BAIAP2L2: variants seen among roughly 807,000 people sequenced by gnomAD.
The protein encoded by BAIAP2L2 is BAR/IMD domain-containing adapter protein 2-like 2.
BAIAP2L2 carries 65 observed loss-of-function variants against 60.4 expected under a neutral mutation model. That is an observed-to-expected ratio of 1.08 (90% confidence interval 0.88 to 1.32). The LOEUF (loss-of-function observed/expected upper bound fraction) is 1.32. Among genes scored for constraint, BAIAP2L2 ranks in the 40% most tolerant of loss-of-function variants. The pLI is 0.00. For synonymous variants in BAIAP2L2, 344 were observed against 301.7 expected (o/e 1.14, Z -1.45); for missense variants, 836 against 741.2 (o/e 1.13, Z -1.48).
intron 7 of BAIAP2L2, chr22:38,090,036 A>T (rs556744334): frequency 1.1e-5 from 2 of 181,998 alleles, no homozygotes; most frequent in South Asian, 3.9e-4. Context: ...GCGCTTAGAT[A>T]GAAACTACGA....
intron 4 of BAIAP2L2, among the ~76,000 whole-genome samples, chr22:38,106,971 A>G (rs895243465): frequency 6.6e-5 from 10 of 152,186 alleles, no homozygotes; most frequent in Admixed American, 4.6e-4. Context: ...TCTGGTTATC[A>G]TAGCTAAGGT....
rs201411605 is a variant in BAIAP2L2, at chr22:38,087,208, G to T, written c.1175C>A (p.Pro392His). The part of the protein sequence containing the change: ...VKALEEGPVN[P>H]MTPVTPMTSM... ...GGTCATGGGGGTCACGGGGGTCATG[G>T]GATTCACGGGCCCCTCCTCCAGAGC... is the stretch of plus-strand genomic sequence containing the variant. Residue 392 changes from proline (P) to histidine (H), a missense_variant, in exon 11 of 14, where the codon CCC (proline) becomes CAC (histidine). Coordinates refer to ENST00000381669, the MANE Select transcript of BAIAP2L2 (RefSeq NM_025045.6). The T allele has an allele frequency of 7.5e-6, 12 of 1,604,738 alleles. No homozygotes were observed. In the Admixed American group the frequency reaches 1.7e-4, roughly 23 times the overall value.
intron 6 of BAIAP2L2, among the ~76,000 whole-genome samples, chr22:38,097,752 A>G (rs1192129175): frequency 1.3e-5 from 2 of 151,374 alleles, no homozygotes; most frequent in Admixed American, 1.3e-4. Context: ...CTTTGGCACC[A>G]TGTTCAAGCG....
intron 2 of BAIAP2L2, 100 bp from the exon 3 acceptor site, chr22:38,108,441 G>A: frequency 1.1e-6 from 1 of 937,652 alleles, no homozygotes; most frequent in Non-Finnish European, 1.6e-6. Flanking sequence ...CCTGGGTGGG[G>A]TGTGGGCATC....
At chr22:38,110,138 A>AGG (rs2086804720) in intron 1 of BAIAP2L2, among the ~76,000 whole-genome samples, 1 of 108,884 alleles carries the variant, frequency 9.2e-6, no homozygotes, top group Non-Finnish European at 1.6e-5. Context: ...AGAGAGAGAG[A>AGG]GAGAGAGAGA....
chr22:38,087,089 C>A (rs1361847193), intron 11 of BAIAP2L2, 35 bp downstream of exon 11: 1 of 1,496,266 alleles, frequency 6.7e-7, no homozygotes, highest in Non-Finnish European at 8.9e-7. Context: ...TTGCCGGCGT[C>A]CTCACCCCCG....
intron 4 of BAIAP2L2, among the ~76,000 whole-genome samples, chr22:38,100,461 A>G (rs2086542259): frequency 6.6e-6 from 1 of 151,428 alleles, no homozygotes; most frequent in South Asian, 2.1e-4. Context: ...TAGGGGGCGG[A>G]GGTTGCAGTG....
rs2086226163 is a variant in BAIAP2L2 at position 38,089,505 on chromosome 22, G to A, written c.765+17C>T. 3.3e-6 allele frequency: 4 copies of A among 1,197,738 alleles called. No homozygotes were observed. The highest frequency in any genetic ancestry group is 3.5e-5 in the East Asian group (1 of 28,592). The allele number at this position is 1,197,738 out of a possible 1,614,324, so 74.2% of individuals were successfully genotyped here. A position where few individuals can be genotyped will look rare whatever the true frequency, so the allele number is the denominator to read the frequency against. On this transcript the variant is annotated intron_variant, in intron 8 of 13. Transcript: ENST00000381669. The stretch of plus-strand genomic sequence containing the variant: ...CGGCGGGGGCGCGAACGGCGGCGGG[G>A]GCGCCCAGGGCCTCACCATGTCCAG...
At chr22:38,109,004 G>A (rs376106196) in intron 2 of BAIAP2L2, 129 bp downstream of exon 2, 33 of 804,064 alleles carry the variant, frequency 4.1e-5, no homozygotes, top group Middle Eastern at 3.6e-4. Context: ...TGAGGGTGAG[G>A]GTGGTGGGTA....
chr22:38,110,116 AGAGG>A (rs1602043089), intron 1 of BAIAP2L2, among the ~76,000 whole-genome samples: 12 of 73,786 alleles, frequency 1.6e-4, no homozygotes, highest in South Asian at 1.2e-3. Context: ...AGGGAGAGAG[AGAGG>A]GAGAGAGAGA....
chr22:38,105,284 TC>T (rs891949818), intron 4 of BAIAP2L2, among the ~76,000 whole-genome samples: 1 of 151,092 alleles, frequency 6.6e-6, no homozygotes, highest in Non-Finnish European at 1.5e-5. Context: ...AGATTGCCCT[TC>T]CCCCAGATGT....
At chr22:38,092,435 CCTGA>C (rs1338242101) in intron 7 of BAIAP2L2, among the ~76,000 whole-genome samples, 2 of 152,076 alleles carry the variant, frequency 1.3e-5, no homozygotes, top group Non-Finnish European at 2.9e-5. Flanking sequence ...CGCCACCATT[CCTGA>C]CTAATTTTTG....
chr22:38,103,826 G>C (rs1328093877), intron 4 of BAIAP2L2, among the ~76,000 whole-genome samples: 1 of 144,820 alleles, frequency 6.9e-6, no homozygotes, highest in Admixed American at 7.2e-5. Context: ...TTGCATCACT[G>C]TACTCCAGCC....
chr22:38,108,644 C>T (rs970549719), intron 2 of BAIAP2L2, among the ~76,000 whole-genome samples: 3 of 152,012 alleles, frequency 2.0e-5, no homozygotes, highest in East Asian at 1.9e-4. Context: ...GCGGCCACAG[C>T]GGACGGGTAC....
At chr22:38,089,456 G>C (rs1569219120) in intron 8 of BAIAP2L2, 66 bp downstream of exon 8, 17 of 955,014 alleles carry the variant, frequency 1.8e-5, no homozygotes, top group Non-Finnish European at 2.0e-5. Flanking sequence ...CTGGGGGCCT[G>C]AGGCCCCGGG....
At position 38,085,067 on chromosome 22, in the gene BAIAP2L2, A is replaced by C; in HGVS notation, c.*233T>G. ...CCAGGGAGAGTCCTGGAGCCCCTGGAGGGGGAGAAATTGTCCTGTCCCCCC... is the reference window on the plus strand; with the variant it reads ...CCAGGGAGAGTCCTGGAGCCCCTGGCGGGGGAGAAATTGTCCTGTCCCCCC... On this transcript the variant is annotated 3_prime_UTR_variant, in exon 14 of 14. Coordinates refer to ENST00000381669, the MANE Select transcript of BAIAP2L2 (RefSeq NM_025045.6). The C allele has an allele frequency of 3.9e-6, 2 of 507,124 alleles. No homozygotes were observed. The highest frequency in any genetic ancestry group is 7.2e-6 in the Non-Finnish European group (2 of 279,442). The allele number at this position is 507,124 out of a possible 1,614,324, so 31.4% of individuals were successfully genotyped here.
intron 4 of BAIAP2L2, among the ~76,000 whole-genome samples, chr22:38,107,347 C>A (rs2086684818): frequency 6.6e-6 from 1 of 152,122 alleles, no homozygotes; most frequent in African/African-American, 2.4e-5. Context: ...GCGGGGACAC[C>A]AGCAGAGGGC....
intron 4 of BAIAP2L2, among the ~76,000 whole-genome samples, chr22:38,104,868 G>A (rs572528632): frequency 1.3e-5 from 2 of 151,886 alleles, no homozygotes; most frequent in South Asian, 2.1e-4. Flanking sequence ...GATAAACCAC[G>A]AAGGCACACA....
rs374885175 is a variant in BAIAP2L2, at chr22:38,088,746, A to G, written c.1118+2T>C. 1.2e-5 allele frequency: 18 copies of G among 1,539,068 alleles called. No homozygotes were observed. The highest frequency in any genetic ancestry group is 1.5e-5 in the Non-Finnish European group (17 of 1,143,562). ...CCCGGCCCCTCCAAGGCTCCCACTC[A>G]CGCGGACGAGCCCTCCAGCTTGCCG... On this transcript the variant is annotated splice_donor_variant, in intron 10 of 13. Transcript: ENST00000381669. LOFTEE classifies it high-confidence loss of function.
Sources: gnomAD v4.1 joint callset for allele counts (sites outside exome capture counted in the v4.1 genomes callset) on GRCh38, gnomAD v4.1.1 for gene constraint, MANE v1.5 for transcripts, NCBI Gene and HGNC (gene_info 2026-07-23, HGNC 2026-07-21) for gene names.